Variants in SHANK1 observed in about 807,000 individuals in gnomAD.
The protein encoded by SHANK1 is SH3 and multiple ankyrin repeat domains protein 1.
A neutral mutation model predicts 165.6 loss-of-function variants in SHANK1; 35 were observed. The observed-to-expected ratio is 0.21, with a 90% CI of 0.16 to 0.28. The LOEUF (loss-of-function observed/expected upper bound fraction) is 0.28, where lower values mean the gene tolerates loss of function less well. SHANK1 is among the 10% of genes least tolerant of loss of function. The pLI, the probability that SHANK1 is intolerant of heterozygous loss-of-function variation, is 1.00. For missense variants in SHANK1, 2,681 were observed against 3,036.4 expected, an observed-to-expected ratio of 0.88 and a Z score of 2.75; for synonymous variants, 1,428 against 1,384.8, an observed-to-expected ratio of 1.03 and a Z score of -0.69.
chr19:50,687,077 T>C (rs1448342680), intron 19 of SHANK1: 1 of 1,399,348 alleles, frequency 7.1e-7, no homozygotes, highest in African/African-American at 1.5e-5. Flanking sequence ...AGCCAAGAGT[T>C]AGGACGTCAG....
At chr19:50,678,063 C>T (rs747143068) in intron 21 of SHANK1, among the ~76,000 whole-genome samples, 2 of 152,146 alleles carry the variant, frequency 1.3e-5, no homozygotes, top group Non-Finnish European at 2.9e-5. Flanking sequence ...TGCTATTTTT[C>T]GTATGTGTCC....
Position 50,718,054 on chromosome 19 carries a change from C to A in SHANK1, c.-43-1092G>T, listed in dbSNP as rs1373880850. Among the ~76,000 whole-genome samples the A allele has an allele frequency of 1.3e-5, 2 of 152,098 alleles. No individual in the cohort carries two copies. The highest frequency in any genetic ancestry group is 1.3e-4 in the Admixed American group (2 of 15,290). On this transcript the variant is annotated intron_variant, in intron 1 of 23. Transcript: ENST00000293441. This position sits in a 1 kb window ranked among gnomAD's most constrained non-coding sequence, Gnocchi z 5.1. The stretch of plus-strand genomic sequence containing the variant: ...TGGTCCCTCCCCCCAACACCAGGCC[C>A]GGTTCCTGCACCGTTGCCATGGAGA...
intron 21 of SHANK1, among the ~76,000 whole-genome samples, chr19:50,681,373 G>A (rs1203098685): frequency 2.6e-5 from 4 of 152,196 alleles, no homozygotes; most frequent in Non-Finnish European, 4.4e-5. Context: ...CAGAGGGAAA[G>A]GAGGTCTCCC....
At chr19:50,691,475 C>A (rs1258319848) in intron 15 of SHANK1, among the ~76,000 whole-genome samples, 1 of 152,090 alleles carries the variant, frequency 6.6e-6, no homozygotes, top group African/African-American at 2.4e-5. Flanking sequence ...CTCTTGCCCC[C>A]TCATCAGCCT....
chr19:50,713,939 C>T lies in SHANK1; in HGVS notation c.651G>A (p.Leu217=). 6.2e-7 allele frequency: 1 copy of T among 1,613,838 alleles called. No homozygotes were observed. Among genetic ancestry groups the T allele is most frequent in the Non-Finnish European group, 8.5e-7 (1 of 1,179,866 alleles). The change falls in exon 6 of 24, where the codon TTG becomes TTA. Residue 217 remains leucine, a synonymous_variant. Coordinates refer to ENST00000293441, the MANE Select transcript of SHANK1 (RefSeq NM_016148.5). The surrounding 1 kb of genome is among the most constrained non-coding windows in gnomAD (Gnocchi z 6.2). The part of the protein sequence containing the change: ...YHDSDSGETP[L]TLAAQTEGSV... ...AGCCTTCGGTCTGGGCCGCCAGTGT[C>T]AAGGGGGTCTCTGAAGGGCGGGAAA...
At chr19:50,673,141 CG>C (rs1252108915) in intron 21 of SHANK1, among the ~76,000 whole-genome samples, 1 of 152,098 alleles carries the variant, frequency 6.6e-6, no homozygotes, top group Non-Finnish European at 1.5e-5. Context: ...GCACTAAAGC[CG>C]GGGTGCCCAG....
At chr19:50,684,673 A>G (rs12979442) in intron 21 of SHANK1, among the ~76,000 whole-genome samples, 56,425 of 151,992 alleles carry the variant, frequency 0.37, 10,896 homozygotes, top group Non-Finnish European at 0.42. Flanking sequence ...CCTTTCCTCA[A>G]TTAAATATGT....
chr19:50,679,447 T>G (rs2123112409), intron 21 of SHANK1, among the ~76,000 whole-genome samples: 1 of 152,112 alleles, frequency 6.6e-6, no homozygotes, highest in East Asian at 1.9e-4. Flanking sequence ...GGAGGAACCA[T>G]AACAATCTGA....
At chr19:50,672,228 G>A in intron 21 of SHANK1, 114 bp from the exon 22 acceptor site, 2 of 846,776 alleles carry the variant, frequency 2.4e-6, no homozygotes, top group Non-Finnish European at 3.8e-6. Flanking sequence ...CTAAGCCCCT[G>A]CCGTAAGGGA....
At position 50,660,145 on chromosome 19, in the gene SHANK1, T is replaced by C. The variant is rs1985140896; in HGVS notation, c.*1820A>G. On this transcript the variant is annotated 3_prime_UTR_variant, in exon 24 of 24. Coordinates refer to ENST00000293441, the MANE Select transcript of SHANK1 (RefSeq NM_016148.5). The stretch of plus-strand genomic sequence containing the variant: ...GGGGGGGGACCTGAGGGCAACGCCC[T>C]CCCCCCTTTACCCACAGCAGGGGAG... Among the ~76,000 whole-genome samples, 3 of 143,244 alleles carry C rather than the reference T, an allele frequency of 2.1e-5. No individual in the cohort carries two copies. Among genetic ancestry groups the C allele is most frequent in the South Asian group, 2.2e-4 (1 of 4,476 alleles). 94.0% of individuals were successfully genotyped at this position (143,244 alleles called of 152,430 possible).
chr19:50,667,554 G>T lies in SHANK1; in HGVS notation c.4406C>A (p.Pro1469Gln). 1 of 1,461,592 alleles carries T rather than the reference G, an allele frequency of 6.8e-7. No homozygotes were observed. The highest frequency in any genetic ancestry group is 8.9e-7 in the Non-Finnish European group (1 of 1,119,758). 90.5% of individuals were successfully genotyped at this position (1,461,592 alleles called of 1,614,324 possible). Residue 1469 changes from proline (P) to glutamine (Q), a missense_variant, in exon 23 of 24, where the codon CCG becomes CAG. By Grantham distance (76) the Pro-to-Gln change is moderately conservative. This residue lies in a region of SHANK1 where 1,713 missense variants were observed against 1,630.2 expected (regional missense o/e 1.05). Transcript: ENST00000293441. This position sits in a 1 kb window ranked among gnomAD's most constrained non-coding sequence, Gnocchi z 5.7. ...CCAGGGCTTGCTTACTCCGGGGTGCGGGGCCGGGGGCTCCGTCCCCAGCTG... is the reference window on the plus strand; with the variant it reads ...CCAGGGCTTGCTTACTCCGGGGTGCTGGGCCGGGGGCTCCGTCCCCAGCTG... ...LLQLGTEPPA[P>Q]HPGVSKPWRS...
Position 50,702,743 on chromosome 19 carries a change from A to T in SHANK1, c.1554-83T>A. On this transcript the variant is annotated intron_variant, in intron 11 of 23. Coordinates refer to ENST00000293441, the MANE Select transcript of SHANK1 (RefSeq NM_016148.5). The surrounding 1 kb of genome is among the most constrained non-coding windows in gnomAD (Gnocchi z 5.3). ...AGGACAGGGGTCCTTGGGTGGGGGA[A>T]GAGGACGGTGCATCAGGGGGGAGGG... The T allele has an allele frequency of 3.7e-6, 3 of 808,766 alleles. No individual in the cohort carries two copies. The highest frequency in any genetic ancestry group is 5.7e-6 in the Non-Finnish European group (3 of 529,078). 50.1% of individuals were successfully genotyped at this position (808,766 alleles called of 1,614,324 possible). A position where few individuals can be genotyped will look rare whatever the true frequency, so the allele number is the denominator to read the frequency against.
Position 50,667,516 on chromosome 19 carries a change from G to A in SHANK1, c.4444C>T (p.Pro1482Ser). 3 of 1,520,376 alleles carry A rather than the reference G, an allele frequency of 2.0e-6. No individual in the cohort carries two copies. The highest frequency in any genetic ancestry group is 2.6e-6 in the Non-Finnish European group (3 of 1,147,206). The allele number at this position is 1,520,376 out of a possible 1,614,324, so 94.2% of individuals were successfully genotyped here. A position where few individuals can be genotyped will look rare whatever the true frequency, so the allele number is the denominator to read the frequency against. ...AGCGGCAGCCGCTCGGGTTCTTCGG[G>A]GGCTGCGGACCTCCAGGGCTTGCTT... ...GVSKPWRSAA[P>S]EEPERLPLHV... The change falls in exon 23 of 24, where the codon CCC becomes TCC. Residue 1482 changes from proline (P) to serine (S), a missense_variant. Physicochemically the swap from Pro to Ser is moderately conservative, Grantham distance 74. Around this residue, in one of 10 missense-constraint regions of SHANK1, gnomAD observed 1,713 missense variants for 1,630.2 expected, o/e 1.05. Coordinates refer to ENST00000293441, the MANE Select transcript of SHANK1 (RefSeq NM_016148.5). The surrounding 1 kb of genome is among the most constrained non-coding windows in gnomAD (Gnocchi z 5.7).
chr19:50,668,245 C>T lies in SHANK1; in HGVS notation c.3715G>A (p.Ala1239Thr). The change falls in exon 23 of 24, where the codon GCG (alanine) becomes ACG (threonine). Residue 1239 changes from alanine to threonine, a missense_variant. Ala to Thr is a moderately conservative substitution (Grantham distance 58). Around this residue, in one of 10 missense-constraint regions of SHANK1, gnomAD observed 1,713 missense variants for 1,630.2 expected, o/e 1.05. Transcript: ENST00000293441. ...TGCCAGCCCCCCTCCCTCCGGGCCGCCCCCACCAGGGCGGCCCCGAACTGG... is the reference window on the plus strand; with the variant it reads ...TGCCAGCCCCCCTCCCTCCGGGCCGTCCCCACCAGGGCGGCCCCGAACTGG... ...TSQFGAALVG[A>T]ARREGGWQNE... 1 of 1,456,040 alleles carries T rather than the reference C, an allele frequency of 6.9e-7. No homozygotes were observed. Among genetic ancestry groups the T allele is most frequent in the Non-Finnish European group, 8.9e-7 (1 of 1,118,892 alleles). The allele number at this position is 1,456,040 out of a possible 1,614,324, so 90.2% of individuals were successfully genotyped here.
intron 4 of SHANK1, among the ~76,000 whole-genome samples, chr19:50,714,979 T>A (rs189117401): frequency 1.4e-3 from 212 of 152,128 alleles, no homozygotes; most frequent in African/African-American, 4.9e-3. Context: ...CGTGAAAGTC[T>A]GGAGGGATGG....
At chr19:50,710,565 C>T (rs905439659) in intron 8 of SHANK1, among the ~76,000 whole-genome samples, 8 of 152,210 alleles carry the variant, frequency 5.3e-5, no homozygotes, top group Non-Finnish European at 1.0e-4. Context: ...CATTGAAAGA[C>T]CCGGCTCTTG....
At chr19:50,684,238 T>TTG (rs1036337543) in intron 21 of SHANK1, among the ~76,000 whole-genome samples, 2 of 151,890 alleles carry the variant, frequency 1.3e-5, no homozygotes, top group Non-Finnish European at 2.9e-5. Context: ...GGTTTTTTTT[T>TTG]TTTTGAGACA....
intron 22 of SHANK1, among the ~76,000 whole-genome samples, chr19:50,671,469 C>T (rs1179488427): frequency 1.4e-5 from 2 of 146,706 alleles, no homozygotes; most frequent in African/African-American, 5.2e-5. Flanking sequence ...AGGCGTGAGC[C>T]GCTGCGCCCG....
intron 6 of SHANK1, 57 bp from the exon 7 acceptor site, chr19:50,712,171 A>C: frequency 6.6e-7 from 1 of 1,519,734 alleles, no homozygotes; most frequent in Non-Finnish European, 8.8e-7. Context: ...CACATTAACC[A>C]GCTCATTCTG....
Sources: allele counts gnomAD v4.1 joint callset (sites outside exome capture counted in the v4.1 genomes callset), GRCh38; gene constraint gnomAD v4.1.1; regional missense constraint gnomAD v4.1.1; non-coding constraint Gnocchi (gnomAD v3.1); transcripts MANE v1.5; gene names NCBI Gene and HGNC (gene_info 2026-07-23, HGNC 2026-07-21).